The following CPXM2 variants were observed in gnomAD, a reference collection of about 807,000 sequenced individuals.
The protein encoded by CPXM2 is inactive carboxypeptidase-like protein X2.
CPXM2 carries 66 observed loss-of-function variants against 86.1 expected under a neutral mutation model. The ratio of observed to expected loss-of-function variants is 0.77; its 90% CI spans 0.63 to 0.94. The LOEUF is 0.94. CPXM2 is among the 40% of genes least tolerant of loss of function. The pLI is 0.00. For missense variants in CPXM2, 948 were observed against 1,026.3 expected, an observed-to-expected ratio of 0.92 and a Z score of 1.04; for synonymous variants, 388 against 400.2, an observed-to-expected ratio of 0.97 and a Z score of 0.36.
At chr10:123,873,000 A>C (rs558769825) in intron 2 of CPXM2, among the ~76,000 whole-genome samples, 1 of 152,330 alleles carries the variant, frequency 6.6e-6, no homozygotes, top group African/African-American at 2.4e-5. Context: ...AAGAAAACTA[A>C]AAATATAAAA....
At chr10:123,929,876 T>A (rs9702275) in intron 2 of CPXM2, among the ~76,000 whole-genome samples, 122,771 of 152,136 alleles carry the variant, frequency 0.81, 50,073 homozygotes, top group African/African-American at 0.91. Flanking sequence ...AAGCCTGGGG[T>A]CACAGCTCCA....
intron 2 of CPXM2, among the ~76,000 whole-genome samples, chr10:123,902,278 A>G (rs1230141608): frequency 6.6e-6 from 1 of 152,194 alleles, no homozygotes; most frequent in Non-Finnish European, 1.5e-5. Flanking sequence ...AGCGCCTCCC[A>G]TTCTGACTCT....
At chr10:123,850,886 C>T (rs997407963) in intron 3 of CPXM2, among the ~76,000 whole-genome samples, 1 of 152,142 alleles carries the variant, frequency 6.6e-6, no homozygotes, top group African/African-American at 2.4e-5. Context: ...TCGGGGTCTT[C>T]GAATATATCC....
At chr10:123,923,677 A>G (rs925984615) in intron 2 of CPXM2, among the ~76,000 whole-genome samples, 13 of 152,198 alleles carry the variant, frequency 8.5e-5, no homozygotes, top group African/African-American at 2.7e-4. Flanking sequence ...CCCAAATCTC[A>G]TCTTGAATTG....
intron 2 of CPXM2, among the ~76,000 whole-genome samples, chr10:123,903,616 T>C (rs1945404594): frequency 6.6e-6 from 1 of 152,200 alleles, no homozygotes; most frequent in Admixed American, 6.5e-5. Flanking sequence ...CTCTCAGGGA[T>C]AGGGGAAGAG....
Position 123,898,811 on chromosome 10 carries a change from C to A in CPXM2, n.175-18502G>T, listed in dbSNP as rs150489770. Among the ~76,000 whole-genome samples, 1,237 of 152,318 alleles carry A rather than the reference C, an allele frequency of 8.1e-3. 15 individuals are homozygous for A. The highest frequency in any genetic ancestry group is 0.029 in the African/African-American group (1,197 of 41,570). ...CCAGGCTGGAGTGCAATGGCACGAT[C>A]TTGCCTCACTGCAACATCAACCTCT... On this transcript the variant is annotated intron_variant and non_coding_transcript_variant, in intron 2 of 19. Coordinates refer to the CPXM2 transcript ENST00000368854.
At chr10:123,836,527 C>T (rs1227354977) in intron 4 of CPXM2, among the ~76,000 whole-genome samples, 1 of 152,292 alleles carries the variant, frequency 6.6e-6, no homozygotes, top group East Asian at 1.9e-4. Flanking sequence ...TACCACCAAG[C>T]GTGCCCAAAA....
chr10:123,806,920 A>C (rs183484487), intron 4 of CPXM2, among the ~76,000 whole-genome samples: 51 of 152,294 alleles, frequency 3.3e-4, no homozygotes, highest in Admixed American at 3.1e-3. Context: ...AGGGACACAG[A>C]GCCAAACCAT....
chr10:123,760,577 A>T (rs2133985069), intron 11 of CPXM2, among the ~76,000 whole-genome samples: 1 of 152,330 alleles, frequency 6.6e-6, no homozygotes, highest in South Asian at 2.1e-4. Context: ...AACAAAGTCA[A>T]ATAATATTGA....
intron 2 of CPXM2, among the ~76,000 whole-genome samples, chr10:123,934,316 GC>G (rs1304869594): frequency 6.6e-6 from 1 of 152,158 alleles, no homozygotes; most frequent in Non-Finnish European, 1.5e-5. Context: ...AGAACCACAT[GC>G]CTCTGGAGAC....
chr10:123,879,908 G>C (rs1008237003), intron 2 of CPXM2, among the ~76,000 whole-genome samples: 2 of 152,198 alleles, frequency 1.3e-5, no homozygotes, highest in Non-Finnish European at 2.9e-5. Flanking sequence ...AGGAAATGAT[G>C]TTGTCTTTGA....
intron 7 of CPXM2, among the ~76,000 whole-genome samples, chr10:123,773,958 C>T (rs868236635): frequency 1.3e-5 from 2 of 152,186 alleles, no homozygotes; most frequent in South Asian, 2.1e-4. Flanking sequence ...CCTTGCCTCG[C>T]GTCACTGAAT....
At chr10:123,923,114 G>A (rs531069034) in intron 2 of CPXM2, among the ~76,000 whole-genome samples, 52 of 152,294 alleles carry the variant, frequency 3.4e-4, no homozygotes, top group Non-Finnish European at 6.6e-4. Flanking sequence ...AAGGACACAA[G>A]AAGACAGATC....
intron 4 of CPXM2, among the ~76,000 whole-genome samples, chr10:123,819,361 G>GA (rs1432360934): frequency 2.0e-5 from 3 of 152,132 alleles, no homozygotes; most frequent in African/African-American, 7.2e-5. Flanking sequence ...ACTCCACCAG[G>GA]AAAAAAACAT....
chr10:123,863,383 A>G (rs1375339126), intron 2 of CPXM2, among the ~76,000 whole-genome samples: 1 of 152,216 alleles, frequency 6.6e-6, no homozygotes, highest in Non-Finnish European at 1.5e-5. Flanking sequence ...AAGGCCATGC[A>G]GCGAGAGGGG....
intron 7 of CPXM2, among the ~76,000 whole-genome samples, chr10:123,778,006 C>T (rs542701494): frequency 1.3e-5 from 2 of 152,268 alleles, no homozygotes; most frequent in Admixed American, 6.5e-5. Context: ...CCTTTCTCCG[C>T]CTTATAGTGT....
intron 4 of CPXM2, among the ~76,000 whole-genome samples, chr10:123,801,802 G>A (rs556937252): frequency 6.6e-6 from 1 of 151,976 alleles, no homozygotes; most frequent in South Asian, 2.1e-4. Flanking sequence ...CTTGCCCCAG[G>A]GCCTTTGCAC....
At position 123,842,458 on chromosome 10, in the gene CPXM2, C is replaced by A; in HGVS notation, c.544G>T (p.Gly182Ter). The change falls in exon 4 of 14, where the codon GGA (glycine) becomes TGA (stop). Residue 182 changes from glycine to a stop codon, truncating the protein, a stop_gained. Transcript: ENST00000241305. LOFTEE classifies it high-confidence loss of function. Reference sequence around the variant, plus strand: ...TCATTTCTTCCCGCGCACCACGCTCCGTCATAAAAATCATTTTCATTAATG... The same window carrying A: ...TCATTTCTTCCCGCGCACCACGCTCAGTCATAAAAATCATTTTCATTAATG... Reference protein sequence around the residue: ...AGINENDFYDGAWCAGRNDLQ... With the variant: ...AGINENDFYD The A allele has an allele frequency of 6.2e-7, 1 of 1,614,140 alleles. No homozygotes were observed. Among genetic ancestry groups the A allele is most frequent in the Non-Finnish European group, 8.5e-7 (1 of 1,180,016 alleles).
intron 2 of CPXM2, among the ~76,000 whole-genome samples, chr10:123,910,493 A>C (rs942381299): frequency 1.1e-4 from 16 of 152,034 alleles, no homozygotes; most frequent in Non-Finnish European, 2.2e-4. Flanking sequence ...AGTTCTCCTG[A>C]TCCACTGCAT....
Sources: allele counts gnomAD v4.1 joint callset (sites outside exome capture counted in the v4.1 genomes callset), GRCh38; gene constraint gnomAD v4.1.1; transcripts MANE v1.5; gene names NCBI Gene and HGNC (gene_info 2026-07-23, HGNC 2026-07-21).